The following ADCY1 variants were observed in gnomAD, a reference collection of about 807,000 sequenced individuals.
ADCY1 encodes adenylate cyclase type 1.
ADCY1 carries 28 observed loss-of-function variants against 105.4 expected under a neutral mutation model. The observed-to-expected ratio is 0.27, with a 90% CI of 0.20 to 0.36. The LOEUF (loss-of-function observed/expected upper bound fraction) is 0.36, where lower values mean the gene tolerates loss of function less well. Among genes scored for constraint, ADCY1 ranks in the 10% least tolerant of loss-of-function variants. The pLI, the probability that ADCY1 is intolerant of heterozygous loss-of-function variation, is 1.00. For missense variants in ADCY1, 977 were observed against 1,434.2 expected, an observed-to-expected ratio of 0.68 and a Z score of 5.15; for synonymous variants, 655 against 623.8, an observed-to-expected ratio of 1.05 and a Z score of -0.75.
intron 1 of ADCY1, among the ~76,000 whole-genome samples, chr7:45,586,333 T>A (rs1042814154): frequency 6.6e-6 from 1 of 152,122 alleles, no homozygotes; most frequent in African/African-American, 2.4e-5. Flanking sequence ...CTTTCCCAGG[T>A]CTGTTGAACA....
intron 17 of ADCY1, among the ~76,000 whole-genome samples, chr7:45,707,962 A>T (rs1663185410): frequency 6.6e-6 from 1 of 152,246 alleles, no homozygotes; most frequent in Non-Finnish European, 1.5e-5. Context: ...ATACATGACG[A>T]TGTAGCCTCA....
intron 14 of ADCY1, among the ~76,000 whole-genome samples, chr7:45,695,558 G>T (rs901356226): frequency 1.3e-5 from 2 of 152,190 alleles, no homozygotes; most frequent in Non-Finnish European, 2.9e-5. Flanking sequence ...GAAGTCCTCA[G>T]CTCTGAGGCC....
chr7:45,575,482 G>A lies in ADCY1; in HGVS notation c.639+300G>A. On this transcript the variant is annotated intron_variant, in intron 1 of 19. Coordinates refer to ENST00000297323, the MANE Select transcript of ADCY1 (RefSeq NM_021116.4). The surrounding 1 kb of genome is among the most constrained non-coding windows in gnomAD (Gnocchi z 4.7). Reference sequence around the variant, plus strand: ...AGGTCAGGGAGCTGATGAGCGGCCAGACGGCGGCCAGAGGGGTCCGCCGGT... The same window carrying A: ...AGGTCAGGGAGCTGATGAGCGGCCAAACGGCGGCCAGAGGGGTCCGCCGGT... Among the ~76,000 whole-genome samples, 1 of 152,264 alleles carries A rather than the reference G, an allele frequency of 6.6e-6. No individual in the cohort carries two copies. Among genetic ancestry groups the A allele is most frequent in the East Asian group, 1.9e-4 (1 of 5,188 alleles).
At chr7:45,608,470 C>T (rs1247324960) in intron 2 of ADCY1, among the ~76,000 whole-genome samples, 1 of 152,210 alleles carries the variant, frequency 6.6e-6, no homozygotes, top group East Asian at 1.9e-4. Context: ...GTCAGGCCAG[C>T]AGTGGAGCAG....
chr7:45,690,573 A>G (rs1784767436), intron 14 of ADCY1, among the ~76,000 whole-genome samples: 1 of 152,230 alleles, frequency 6.6e-6, no homozygotes, highest in Non-Finnish European at 1.5e-5. Flanking sequence ...CCCTGTTGGT[A>G]GAGTCCTTGG....
intron 14 of ADCY1, among the ~76,000 whole-genome samples, chr7:45,699,931 T>C (rs1230096870): frequency 6.6e-6 from 1 of 152,164 alleles, no homozygotes; most frequent in African/African-American, 2.4e-5. Context: ...GAAGGGGGGC[T>C]GTGAAGTCCA....
intron 4 of ADCY1, 119 bp from the exon 5 acceptor site, chr7:45,648,551 G>A: frequency 7.2e-7 from 1 of 1,391,676 alleles, no homozygotes; most frequent in Admixed American, 1.9e-5. Context: ...GGTGGCCCAG[G>A]TGCAGCATGT....
At chr7:45,657,908 A>AGGGGGGGGGG in intron 6 of ADCY1, 23 bp downstream of exon 6, 1 of 237,428 alleles carries the variant, frequency 4.2e-6, no homozygotes, top group Non-Finnish European at 8.4e-6. Flanking sequence ...TGGGGTGGGG[A>AGGGGGGGGGG]GGGGAGGGAG....
intron 14 of ADCY1, among the ~76,000 whole-genome samples, chr7:45,698,972 TG>T (rs1784936781): frequency 6.6e-6 from 1 of 152,204 alleles, no homozygotes; most frequent in African/African-American, 2.4e-5. Context: ...AAAACTGAAC[TG>T]TCATTCTGTG....
chr7:45,598,428 TG>T (rs1208700423), intron 2 of ADCY1, among the ~76,000 whole-genome samples: 7 of 152,216 alleles, frequency 4.6e-5, no homozygotes, highest in Non-Finnish European at 1.5e-5. Flanking sequence ...TGTCAAAAGT[TG>T]GTTCTTTGAA....
chr7:45,613,169 C>T (rs1793638949), intron 3 of ADCY1, among the ~76,000 whole-genome samples: 1 of 152,018 alleles, frequency 6.6e-6, no homozygotes, highest in Admixed American at 6.5e-5. Flanking sequence ...AAAATAACTC[C>T]CATAAAGATG....
intron 4 of ADCY1, among the ~76,000 whole-genome samples, chr7:45,628,811 C>T (rs1794142767): frequency 6.6e-6 from 1 of 152,146 alleles, no homozygotes; most frequent in Non-Finnish European, 1.5e-5. Context: ...TTCTGTGGTT[C>T]AGTACCTCTG....
At chr7:45,668,135 G>A (rs1171878917) in intron 8 of ADCY1, among the ~76,000 whole-genome samples, 5 of 152,102 alleles carry the variant, frequency 3.3e-5, no homozygotes, top group Non-Finnish European at 5.9e-5. Flanking sequence ...TCTCCTGCCT[G>A]ATTGCCCTGG....
chr7:45,677,596 A>G (rs1784479666), intron 8 of ADCY1, among the ~76,000 whole-genome samples: 1 of 152,050 alleles, frequency 6.6e-6, no homozygotes, highest in South Asian at 2.1e-4. Context: ...TGTTCTCCCC[A>G]CTGCAAACGT....
Position 45,657,707 on chromosome 7 carries a change from G to C in ADCY1, c.1149-20G>C, listed in dbSNP as rs557303940. 1 of 1,609,072 alleles carries C rather than the reference G, an allele frequency of 6.2e-7. No individual in the cohort carries two copies. The highest frequency in any genetic ancestry group is 2.2e-5 in the East Asian group (1 of 44,644). On this transcript the variant is annotated intron_variant, in intron 5 of 19. Coordinates refer to ENST00000297323, the MANE Select transcript of ADCY1 (RefSeq NM_021116.4). ...GATACAAGGTGGGCCCTAGCCCCACGCTCTGTGTCTGTGTTGCAGATCTGT... is the reference window on the plus strand; with the variant it reads ...GATACAAGGTGGGCCCTAGCCCCACCCTCTGTGTCTGTGTTGCAGATCTGT...
Position 45,596,266 on chromosome 7 carries a change from C to T in ADCY1, c.789+3358C>T, listed in dbSNP as rs979229348. On this transcript the variant is annotated intron_variant, in intron 2 of 19. Coordinates refer to ENST00000297323, the MANE Select transcript of ADCY1 (RefSeq NM_021116.4). The stretch of plus-strand genomic sequence containing the variant: ...CACATTTCCATTCAGCACCTGTTCC[C>T]AGAGCCTTCTCCAGCCACTTGAACT... Among the ~76,000 whole-genome samples, 3 of 152,192 alleles carry T rather than the reference C, an allele frequency of 2.0e-5. 1 individual carries two copies. Among genetic ancestry groups the T allele is most frequent in the African/African-American group, 7.2e-5 (3 of 41,426 alleles).
intron 4 of ADCY1, among the ~76,000 whole-genome samples, chr7:45,626,058 C>T (rs78535892): frequency 3.9e-5 from 6 of 152,256 alleles, no homozygotes; most frequent in East Asian, 1.9e-4. Flanking sequence ...GCCCCTAATG[C>T]GAGGCTCTCT....
At chr7:45,685,484 G>A (rs1368076268) in intron 12 of ADCY1, among the ~76,000 whole-genome samples, 3 of 151,956 alleles carry the variant, frequency 2.0e-5, no homozygotes, top group Admixed American at 6.5e-5. Context: ...TGGGGCAGGA[G>A]TAACAAGATG....
intron 3 of ADCY1, among the ~76,000 whole-genome samples, chr7:45,613,702 A>AT (rs1293534972): frequency 1.3e-5 from 2 of 152,196 alleles, no homozygotes; most frequent in Non-Finnish European, 2.9e-5. Context: ...ATACCCCAAA[A>AT]TTCACACCTA....
Sources: allele counts gnomAD v4.1 joint callset (sites outside exome capture counted in the v4.1 genomes callset), GRCh38; gene constraint gnomAD v4.1.1; non-coding constraint Gnocchi (gnomAD v3.1); transcripts MANE v1.5; gene names NCBI Gene and HGNC (gene_info 2026-07-23, HGNC 2026-07-21).